DMD: variants seen among roughly 807,000 people sequenced by gnomAD.
DMD encodes the protein dystrophin.
In DMD, 63 loss-of-function variants were observed where a neutral mutation model predicts 330.1. The observed-to-expected ratio is 0.19, with a 90% CI of 0.16 to 0.24. The LOEUF (loss-of-function observed/expected upper bound fraction) is 0.24, where lower values mean the gene tolerates loss of function less well. Among genes scored for constraint, DMD ranks in the 10% least tolerant of loss-of-function variants. The pLI is 1.00. For synonymous variants in DMD, 1,223 were observed against 959.8 expected (o/e 1.27, Z -5.07); for missense variants, 3,344 against 2,684.1 (o/e 1.25, Z -5.43).
At chrX:32,637,939 G>A (rs932039790) in intron 11 of DMD, among the ~76,000 whole-genome samples, 15 of 111,646 alleles carry the variant, frequency 1.3e-4, no homozygotes, top group Admixed American at 1.1e-3. Context: ...TTGAAGATAC[G>A]GCTCTCTCAT....
chrX:31,604,432 C>T (rs1250395701), intron 55 of DMD, among the ~76,000 whole-genome samples: 1 of 111,226 alleles, frequency 9.0e-6, no homozygotes, highest in Non-Finnish European at 1.9e-5. Context: ...GAGAAGAGCA[C>T]ATCTAATTAA....
chrX:31,556,120 C>A (rs886262051), intron 55 of DMD, among the ~76,000 whole-genome samples: 1 of 110,503 alleles, frequency 9.0e-6, no homozygotes, highest in Admixed American at 9.7e-5. Flanking sequence ...GTAATCCCAG[C>A]ACTTTGGGAG....
chrX:32,851,664 GAC>G (rs1190624152), intron 2 of DMD, among the ~76,000 whole-genome samples: 1 of 112,495 alleles, frequency 8.9e-6, no homozygotes, highest in Non-Finnish European at 1.9e-5. Context: ...TGGTAGGAAA[GAC>G]AGTTACGAAT....
At chrX:32,093,961 G>T (rs1346933506) in intron 44 of DMD, among the ~76,000 whole-genome samples, 2 of 110,483 alleles carry the variant, frequency 1.8e-5, no homozygotes, top group African/African-American at 6.6e-5. Flanking sequence ...ATATCAATGA[G>T]GTTACGGAGA....
intron 44 of DMD, among the ~76,000 whole-genome samples, chrX:32,070,352 C>A (rs1289982827): frequency 9.0e-6 from 1 of 110,795 alleles, no homozygotes; most frequent in Non-Finnish European, 1.9e-5. Flanking sequence ...CTGTGGAAAC[C>A]ACCCATGGGG....
chrX:31,598,995 C>G (rs1282011969), intron 55 of DMD, among the ~76,000 whole-genome samples: 1 of 111,447 alleles, frequency 9.0e-6, no homozygotes, highest in Admixed American at 9.5e-5. Flanking sequence ...TAACAAAATA[C>G]AAAATTGAAG....
At chrX:32,627,019 C>G (rs1040731055) in intron 11 of DMD, among the ~76,000 whole-genome samples, 2 of 104,229 alleles carry the variant, frequency 1.9e-5, no homozygotes, top group Non-Finnish European at 3.8e-5. Context: ...AATGACGTCC[C>G]AGCCCCATTC....
At chrX:31,924,877 T>C (rs1317001943) in intron 47 of DMD, among the ~76,000 whole-genome samples, 2 of 112,085 alleles carry the variant, frequency 1.8e-5, no homozygotes, top group African/African-American at 3.2e-5. Flanking sequence ...TGGTATTTTA[T>C]GTGTAGATAG....
rs909624453 is a variant in DMD, at chrX:32,869,752, A to G, written c.94-19932T>C. Among the ~76,000 whole-genome samples, 4 of 110,270 alleles carry G rather than the reference A, an allele frequency of 3.6e-5. 1 individual carries two copies. In the South Asian group the frequency reaches 1.6e-3, roughly 43 times the overall value. ...CAGAAAAGTCTTGATAAAATTCAAC[A>G]TCCTTTCATGTTAAAAACCTTCAGT... On this transcript the variant is annotated intron_variant, in intron 2 of 78. Coordinates refer to ENST00000357033, the MANE Select transcript of DMD (RefSeq NM_004006.3).
chrX:32,266,206 G>A (rs2097343806), intron 43 of DMD, among the ~76,000 whole-genome samples: 1 of 111,193 alleles, frequency 9.0e-6, no homozygotes, highest in South Asian at 3.8e-4. Context: ...GTTTTATAAG[G>A]GGCTTTTCCC....
At chrX:32,083,935 T>C (rs1218364172) in intron 44 of DMD, among the ~76,000 whole-genome samples, 1 of 112,731 alleles carries the variant, frequency 8.9e-6, no homozygotes, top group African/African-American at 3.2e-5. Context: ...CTGGTTATGC[T>C]TTCTATCAGA....
intron 44 of DMD, among the ~76,000 whole-genome samples, chrX:32,171,924 A>G (rs980121778): frequency 5.4e-5 from 6 of 111,907 alleles, no homozygotes; most frequent in Non-Finnish European, 1.9e-5. Context: ...AGATCATTAA[A>G]GAAAAAAATC....
chrX:32,155,476 A>G, intron 44 of DMD: 2 of 746,905 alleles, frequency 2.7e-6, no homozygotes, highest in Non-Finnish European at 3.2e-6. Context: ...GTGTGAAGAG[A>G]AAGAGCTGCT....
At chrX:31,576,947 C>T (rs978621382) in intron 55 of DMD, among the ~76,000 whole-genome samples, 1 of 109,851 alleles carries the variant, frequency 9.1e-6, no homozygotes, top group Non-Finnish European at 1.9e-5. Context: ...GATCTCCTGA[C>T]CTCGTGATCC....
At chrX:32,554,064 A>G (rs1198875025) in intron 16 of DMD, among the ~76,000 whole-genome samples, 2 of 112,029 alleles carry the variant, frequency 1.8e-5, no homozygotes, top group African/African-American at 6.5e-5. Flanking sequence ...ACCAGCTGCC[A>G]CCTCTGCAGT....
chrX:32,591,848 G>A (rs2054947321), intron 13 of DMD, among the ~76,000 whole-genome samples: 1 of 113,096 alleles, frequency 8.8e-6, no homozygotes, highest in Non-Finnish European at 1.9e-5. Flanking sequence ...ATACTAAGAA[G>A]TGCCTGCTCC....
intron 60 of DMD, among the ~76,000 whole-genome samples, chrX:31,362,898 C>T (rs370027344): frequency 3.2e-4 from 36 of 112,306 alleles, no homozygotes; most frequent in Non-Finnish European, 5.5e-4. Context: ...TGCAGTGAGC[C>T]GAGATCGTGC....
At chrX:32,465,301 C>T (rs572441956) in intron 23 of DMD, among the ~76,000 whole-genome samples, 2 of 111,221 alleles carry the variant, frequency 1.8e-5, no homozygotes, top group Admixed American at 9.6e-5. Context: ...GATTCTTTCC[C>T]GTATTACCTT....
At chrX:32,767,702 T>C (rs1213448881) in intron 7 of DMD, among the ~76,000 whole-genome samples, 1 of 111,887 alleles carries the variant, frequency 8.9e-6, no homozygotes, top group Non-Finnish European at 1.9e-5. Context: ...GTCAATAGGA[T>C]TTTTGTAAGG....
Sources: allele counts gnomAD v4.1 joint callset (sites outside exome capture counted in the v4.1 genomes callset), GRCh38; gene constraint gnomAD v4.1.1; transcripts MANE v1.5; gene names NCBI Gene and HGNC (gene_info 2026-07-23, HGNC 2026-07-21).